The following KAT6B variants were observed in gnomAD, a reference collection of about 807,000 sequenced individuals.
KAT6B encodes histone acetyltransferase KAT6B.
A neutral mutation model predicts 187.5 loss-of-function variants in KAT6B; 10 were observed. The observed-to-expected ratio is 0.05, with a 90% CI of 0.03 to 0.09. The LOEUF (loss-of-function observed/expected upper bound fraction) is 0.09. Among genes scored for constraint, KAT6B ranks in the 10% least tolerant of loss-of-function variants. The pLI is 1.00. For missense variants in KAT6B, 1,952 were observed against 2,558.9 expected, an observed-to-expected ratio of 0.76 and a Z score of 5.12; for synonymous variants, 861 against 926.8, an observed-to-expected ratio of 0.93 and a Z score of 1.29.
At chr10:74,979,519 G>C (rs1391482437) in intron 10 of KAT6B, among the ~76,000 whole-genome samples, 180 bp downstream of exon 10, 3 of 151,538 alleles carry the variant, frequency 2.0e-5, no homozygotes, top group Non-Finnish European at 4.4e-5. Flanking sequence ...CTTGTTCTCG[G>C]TAAATTCCTT....
At chr10:74,832,419 G>T (rs888157752) in intron 1 of KAT6B, among the ~76,000 whole-genome samples, 7 of 152,034 alleles carry the variant, frequency 4.6e-5, no homozygotes, top group Non-Finnish European at 1.0e-4. Flanking sequence ...GAGCCCTGGA[G>T]TTCAAGACAT....
intron 3 of KAT6B, among the ~76,000 whole-genome samples, chr10:74,863,070 A>G (rs543668856): frequency 6.6e-6 from 1 of 152,306 alleles, no homozygotes; most frequent in African/African-American, 2.4e-5. Flanking sequence ...TTATTTTCAG[A>G]GTAACACATG....
At chr10:74,969,036 C>G (rs1841677881) in intron 4 of KAT6B, among the ~76,000 whole-genome samples, 1 of 152,174 alleles carries the variant, frequency 6.6e-6, no homozygotes, top group South Asian at 2.1e-4. Flanking sequence ...CTTCTTAACT[C>G]TGTCTCTCAA....
In KAT6B at chr10:74,972,652, C is replaced by T; in HGVS notation, c.1061+13C>T. ...AGCAACGATTGTTGTAGGTTGAGAT[C>T]TTATCAAAAGAAATCATTTATGTTT... is the stretch of plus-strand genomic sequence containing the variant. On this transcript the variant is annotated intron_variant, in intron 7 of 17. Transcript: ENST00000287239. The T allele has an allele frequency of 1.2e-6, 2 of 1,609,212 alleles. No individual in the cohort carries two copies. The highest frequency in any genetic ancestry group is 1.7e-6 in the Non-Finnish European group (2 of 1,176,002).
chr10:74,900,815 A>G (rs1846331024), intron 3 of KAT6B, among the ~76,000 whole-genome samples: 1 of 152,102 alleles, frequency 6.6e-6, no homozygotes, highest in Admixed American at 6.6e-5. Flanking sequence ...ATTGAGTGCA[A>G]ATGTTGGGGG....
chr10:74,902,194 T>C (rs1237498495), intron 3 of KAT6B, among the ~76,000 whole-genome samples: 2 of 152,236 alleles, frequency 1.3e-5, no homozygotes, highest in Non-Finnish European at 2.9e-5. Context: ...GCCATCAGTT[T>C]GCAGGGGCTC....
intron 13 of KAT6B, among the ~76,000 whole-genome samples, chr10:75,013,601 T>A (rs1024366319): frequency 2.0e-5 from 3 of 152,246 alleles, no homozygotes; most frequent in Non-Finnish European, 2.9e-5. Context: ...ACCTTAAGGA[T>A]GTTTAGTTAC....
chr10:74,836,481 A>G (rs754737459), intron 1 of KAT6B, among the ~76,000 whole-genome samples: 8 of 152,226 alleles, frequency 5.3e-5, no homozygotes, highest in Non-Finnish European at 1.2e-4. Context: ...ACAGGGCTGC[A>G]TGCAGGGAGC....
intron 3 of KAT6B, among the ~76,000 whole-genome samples, chr10:74,899,655 G>GT (rs1465926515): frequency 6.6e-6 from 1 of 152,108 alleles, no homozygotes; most frequent in Non-Finnish European, 1.5e-5. Flanking sequence ...TTTAAGTTGG[G>GT]TTTTGAAGGT....
upstream of KAT6B, chr10:74,826,467 G>A (rs1344519618): frequency 3.3e-5 from 5 of 153,130 alleles, no homozygotes; most frequent in Admixed American, 2.0e-4. Context: ...GGGCTGCAGA[G>A]TGGTTAGTGA....
intron 3 of KAT6B, among the ~76,000 whole-genome samples, chr10:74,874,975 T>TC (rs1445667279): frequency 1.3e-5 from 2 of 152,054 alleles, no homozygotes; most frequent in Non-Finnish European, 2.9e-5. Flanking sequence ...ATTATCAACC[T>TC]CCCCCACCAG....
intron 3 of KAT6B, among the ~76,000 whole-genome samples, chr10:74,931,469 T>C (rs1244280534): frequency 1.3e-5 from 2 of 152,240 alleles, no homozygotes; most frequent in Non-Finnish European, 2.9e-5. Flanking sequence ...TGATGATTTT[T>C]GATCCATCTA....
chr10:74,896,793 G>A (rs929189656), intron 3 of KAT6B, among the ~76,000 whole-genome samples: 3 of 152,130 alleles, frequency 2.0e-5, no homozygotes, highest in Admixed American at 2.0e-4. Flanking sequence ...AATAATTAGA[G>A]GAAATGATCC....
Position 74,841,215 on chromosome 10 carries a change from C to T in KAT6B, c.-258-1385C>T, listed in dbSNP as rs904635189. On this transcript the variant is annotated intron_variant, in intron 2 of 17. Coordinates refer to ENST00000287239, the MANE Select transcript of KAT6B (RefSeq NM_012330.4). ...GTTCAGACCCAGGTTGGTCTCTTTGCAGAGGCAGAACTAGCTAGAGCAGGC... is the reference window on the plus strand; with the variant it reads ...GTTCAGACCCAGGTTGGTCTCTTTGTAGAGGCAGAACTAGCTAGAGCAGGC... Among the ~76,000 whole-genome samples, 22 of 152,302 alleles carry T rather than the reference C, an allele frequency of 1.4e-4. No individual in the cohort carries two copies. In the East Asian group the frequency reaches 3.9e-3, roughly 27 times the overall value.
At chr10:74,836,499 C>T (rs557388868) in intron 1 of KAT6B, among the ~76,000 whole-genome samples, 8 of 152,170 alleles carry the variant, frequency 5.3e-5, no homozygotes, top group South Asian at 2.1e-4. Context: ...AGCATCAGCT[C>T]GCTAAATATT....
intron 3 of KAT6B, among the ~76,000 whole-genome samples, chr10:74,905,696 G>C (rs1276580241): frequency 6.6e-6 from 1 of 152,214 alleles, no homozygotes; most frequent in Non-Finnish European, 1.5e-5. Flanking sequence ...AAGGAGAAGA[G>C]GGCTGTGATG....
intron 3 of KAT6B, among the ~76,000 whole-genome samples, chr10:74,937,587 A>G (rs969748317): frequency 7.9e-5 from 12 of 152,228 alleles, no homozygotes; most frequent in Non-Finnish European, 1.6e-4. Context: ...TCCATTACTA[A>G]TATTACAGTG....
In KAT6B at chr10:74,891,338, G is replaced by T. The variant is rs138865950; in HGVS notation, c.621+47860G>T. On this transcript the variant is annotated intron_variant, in intron 3 of 17. Transcript: ENST00000287239. ...ACATGCCTTGCTGAGAAGACCTTAA[G>T]AATCTGAAATGTGGAGGGTCATTTT... Among the ~76,000 whole-genome samples the T allele has an allele frequency of 4.6e-5, 7 of 152,338 alleles. No individual in the cohort carries two copies. The East Asian group carries it at 1.3e-3, about 29-fold the overall frequency.
At position 74,975,686 on chromosome 10, in the gene KAT6B, G is replaced by C. The variant is rs1165597173; in HGVS notation, c.1349G>C (p.Arg450Thr). ...TTTACACCATCACCTGATGGTCGCAGATCACGAGGTGAAATTATAGACTTT... is the reference window on the plus strand; with the variant it reads ...TTTACACCATCACCTGATGGTCGCACATCACGAGGTGAAATTATAGACTTT... Reference protein sequence around the residue: ...KFFTPSPDGRRSRGEIIDFSK... With the variant: ...KFFTPSPDGRTSRGEIIDFSK... The change falls in exon 8 of 18, where the codon AGA becomes ACA. Residue 450 changes from arginine (R) to threonine (T), a missense_variant. Transcript: ENST00000287239. 6.2e-7 allele frequency: 1 copy of C among 1,614,220 alleles called. No homozygotes were observed. Among genetic ancestry groups the C allele is most frequent in the South Asian group, 1.1e-5 (1 of 91,082 alleles).
Sources: allele counts gnomAD v4.1 joint callset (sites outside exome capture counted in the v4.1 genomes callset), GRCh38; gene constraint gnomAD v4.1.1; transcripts MANE v1.5; gene names NCBI Gene and HGNC (gene_info 2026-07-23, HGNC 2026-07-21).